Variants in IGSF3 observed in about 807,000 individuals in gnomAD.
IGSF3 encodes immunoglobulin superfamily member 3.
A neutral mutation model predicts 114.4 loss-of-function variants in IGSF3; 23 were observed. The observed-to-expected ratio is 0.20, with a 90% confidence interval of 0.14 to 0.28. IGSF3 has a LOEUF of 0.28. Ranked by LOEUF, IGSF3 falls within the 10% of genes least tolerant of loss-of-function variation. IGSF3 has a pLI of 1.00. For missense variants in IGSF3, 1,172 were observed against 1,591.5 expected (o/e 0.74, Z 4.48); for synonymous variants, 571 against 645.2 (o/e 0.88, Z 1.74).
At chr1:116,652,500 T>C (rs1648674306) in intron 2 of IGSF3, among the ~76,000 whole-genome samples, 1 of 152,202 alleles carries the variant, frequency 6.6e-6, no homozygotes, top group Admixed American at 6.5e-5. Context: ...AGAGAAAGTA[T>C]CAAAAGCTTC....
Position 116,589,682 on chromosome 1 carries a change from G to A in IGSF3, c.2030-578C>T, listed in dbSNP as rs1468898204. On this transcript the variant is annotated intron_variant, in intron 7 of 10. Transcript: ENST00000369486. The surrounding 1 kb of genome is among the most constrained non-coding windows in gnomAD (Gnocchi z 5.7). ...TTATCCCTCATTCCCGTCCCCCTGG[G>A]CTCCATACCCTTCCTCAGCACCCTC... 6.6e-6 allele frequency among the ~76,000 whole-genome samples: 1 copy of A among 151,980 alleles called. No homozygotes were observed. Among genetic ancestry groups the A allele is most frequent in the Non-Finnish European group, 1.5e-5 (1 of 67,976 alleles).
At chr1:116,591,502 T>C (rs1465091215) in intron 7 of IGSF3, among the ~76,000 whole-genome samples, 1 of 152,258 alleles carries the variant, frequency 6.6e-6, no homozygotes, top group Non-Finnish European at 1.5e-5. Flanking sequence ...TTCAGTCACA[T>C]GGTCTGAGAA....
Position 116,608,336 on chromosome 1 carries a change from G to A in IGSF3, c.833-5C>T, listed in dbSNP as rs750637373. ...GCCGAACAGTGAATTCTTTGTCTGA[G>A]AGAACAAGTAAGAAAAGAGACACAT... On this transcript the variant is annotated splice_polypyrimidine_tract_variant and splice_region_variant and intron_variant, in intron 4 of 10. Coordinates refer to ENST00000369486, the MANE Select transcript of IGSF3 (RefSeq NM_001007237.3). 1.9e-6 allele frequency: 3 copies of A among 1,610,624 alleles called. No individual in the cohort carries two copies. Among genetic ancestry groups the A allele is most frequent in the Non-Finnish European group, 2.5e-6 (3 of 1,177,616 alleles).
At chr1:116,581,771 G>A (rs1379390014) in intron 9 of IGSF3, among the ~76,000 whole-genome samples, 1 of 152,066 alleles carries the variant, frequency 6.6e-6, no homozygotes, top group Non-Finnish European at 1.5e-5. Flanking sequence ...GGCCGGGTGG[G>A]GACTATTCAA....
chr1:116,584,613 G>T lies in IGSF3; in HGVS notation c.2848+32C>A. 6.2e-7 allele frequency: 1 copy of T among 1,608,516 alleles called. No homozygotes were observed. The highest frequency in any genetic ancestry group is 1.3e-5 in the African/African-American group (1 of 74,972). ...GTATACTTAAATGGGAAACACCAGAGGGAGTGGAAGCTTGGGGACGTGGAC... is the reference window on the plus strand; with the variant it reads ...GTATACTTAAATGGGAAACACCAGATGGAGTGGAAGCTTGGGGACGTGGAC... On this transcript the variant is annotated intron_variant, in intron 9 of 10. Coordinates refer to ENST00000369486, the MANE Select transcript of IGSF3 (RefSeq NM_001007237.3). The surrounding 1 kb of genome is among the most constrained non-coding windows in gnomAD (Gnocchi z 5.8).
rs1357755574 is a variant in IGSF3 at position 116,575,671 on chromosome 1, T to C, written c.*1641A>G. 1 of 151,930 alleles carries C rather than the reference T, an allele frequency of 6.6e-6. No individual in the cohort carries two copies. The highest frequency in any genetic ancestry group is 1.5e-5 in the Non-Finnish European group (1 of 68,000). The allele number at this position is 151,930 out of a possible 1,614,324, so 9.4% of individuals were successfully genotyped here. On this transcript the variant is annotated 3_prime_UTR_variant, in exon 11 of 11. Transcript: ENST00000369486. The surrounding 1 kb of genome is among the most constrained non-coding windows in gnomAD (Gnocchi z 5.6). Reference sequence around the variant, plus strand: ...GGATTCAGGATGTAAGTTCCCAGAGTAAAGGAGATGGCATGCTTGGCCAGA... The same window carrying C: ...GGATTCAGGATGTAAGTTCCCAGAGCAAAGGAGATGGCATGCTTGGCCAGA...
rs1649242303 is a variant in IGSF3 at position 116,664,401 on chromosome 1, C to T, written c.43+1883G>A. Among the ~76,000 whole-genome samples the T allele has an allele frequency of 6.6e-6, 1 of 152,216 alleles. No individual in the cohort carries two copies. Among genetic ancestry groups the T allele is most frequent in the South Asian group, 2.1e-4 (1 of 4,832 alleles). Reference sequence around the variant, plus strand: ...GGGACCAGCATGCAGCCTTACATTACTTGAGCAGCCAGAAGAAACAAAAGG... The same window carrying T: ...GGGACCAGCATGCAGCCTTACATTATTTGAGCAGCCAGAAGAAACAAAAGG... On this transcript the variant is annotated intron_variant, in intron 2 of 10. Transcript: ENST00000369486. This position sits in a 1 kb window ranked among gnomAD's most constrained non-coding sequence, Gnocchi z 4.6.
rs973172964 is a variant in IGSF3 at position 116,654,961 on chromosome 1, G to T, written c.43+11323C>A. Among the ~76,000 whole-genome samples, 5 of 152,076 alleles carry T rather than the reference G, an allele frequency of 3.3e-5. No individual in the cohort carries two copies. The highest frequency in any genetic ancestry group is 1.2e-4 in the African/African-American group (5 of 41,394). On this transcript the variant is annotated intron_variant, in intron 2 of 10. Coordinates refer to ENST00000369486, the MANE Select transcript of IGSF3 (RefSeq NM_001007237.3). The surrounding 1 kb of genome is among the most constrained non-coding windows in gnomAD (Gnocchi z 4.4). ...CTCTTCCTGGTGGCACCGGGCATTG[G>T]TAACTCATGGCTGTAAAGGAGAGCT...
Position 116,632,985 on chromosome 1 carries a change from T to C in IGSF3, c.44-16528A>G, listed in dbSNP as rs542385575. On this transcript the variant is annotated intron_variant, in intron 2 of 10. Coordinates refer to ENST00000369486, the MANE Select transcript of IGSF3 (RefSeq NM_001007237.3). This position sits in a 1 kb window ranked among gnomAD's most constrained non-coding sequence, Gnocchi z 5.1. ...CACTGCAGCTATCCTGCCAGGCTCA[T>C]TGTAAAGTGACGAATTTTGTGGACA... is the stretch of plus-strand genomic sequence containing the variant. 6.6e-6 allele frequency among the ~76,000 whole-genome samples: 1 copy of C among 152,234 alleles called. No homozygotes were observed. The highest frequency in any genetic ancestry group is 2.4e-5 in the African/African-American group (1 of 41,466).
rs759266559 is a variant in IGSF3, at chr1:116,588,979, C to T, written c.2155G>A (p.Val719Ile). 1.9e-5 allele frequency: 30 copies of T among 1,614,106 alleles called. No individual in the cohort carries two copies. Among genetic ancestry groups the T allele is most frequent in the Non-Finnish European group, 2.5e-5 (30 of 1,180,048 alleles). The change falls in exon 8 of 11, where the codon GTC (valine) becomes ATC (isoleucine). Residue 719 changes from valine to isoleucine, a missense_variant. Val to Ile is a conservative substitution (Grantham distance 29, BLOSUM62 3). This residue lies in a region of IGSF3 where 736 missense variants were observed against 1,042.0 expected (regional missense o/e 0.71). Coordinates refer to ENST00000369486, the MANE Select transcript of IGSF3 (RefSeq NM_001007237.3). The surrounding 1 kb of genome is among the most constrained non-coding windows in gnomAD (Gnocchi z 4.9). The part of the protein sequence containing the change: ...QNSHFAVLWY[V>I]HKPSDADGKL... ...CCATCGGCATCCGAGGGCTTGTGGA[C>T]ATACCAGAGCACCGCAAAGTGGGAG...
intron 4 of IGSF3, among the ~76,000 whole-genome samples, chr1:116,611,893 T>C (rs1191621469): frequency 1.3e-5 from 2 of 152,102 alleles, no homozygotes; most frequent in Non-Finnish European, 2.9e-5. Flanking sequence ...AAGCCCTTAA[T>C]GCCTATCACC....
rs935495968 is a variant in IGSF3 at position 116,655,548 on chromosome 1, G to A, written c.43+10736C>T. ...CAATAACTGTTGCTGCAGGGGTTGA[G>A]AAAAAAAAGTTCTCTTCCTTTGGGT... is the stretch of plus-strand genomic sequence containing the variant. On this transcript the variant is annotated intron_variant, in intron 2 of 10. Transcript: ENST00000369486. This position sits in a 1 kb window ranked among gnomAD's most constrained non-coding sequence, Gnocchi z 4.3. 6.6e-6 allele frequency among the ~76,000 whole-genome samples: 1 copy of A among 151,958 alleles called. No homozygotes were observed. Among genetic ancestry groups the A allele is most frequent in the Non-Finnish European group, 1.5e-5 (1 of 67,978 alleles).
chr1:116,579,647 GGTCGTC>G lies in IGSF3; in HGVS notation c.3073_3078del (p.Asp1025_Asp1026del), dbSNP rs531457319. ...CTCAGCAGGGCCGTCCGCTCTGTTGGGTCGTCGTCGTCGTCGTCGTCCTCCTCCTCC... is the reference window on the plus strand; with the variant it reads ...CTCAGCAGGGCCGTCCGCTCTGTTGGGTCGTCGTCGTCGTCCTCCTCCTCC... On this transcript the variant is annotated inframe_deletion, in exon 10 of 11. Transcript: ENST00000369486. This position sits in a 1 kb window ranked among gnomAD's most constrained non-coding sequence, Gnocchi z 6.4. 1,422 of 1,595,822 alleles carry G rather than the reference GGTCGTC, an allele frequency of 8.9e-4. 3 individuals are homozygous for G. In the African/African-American group the frequency reaches 0.011, roughly 12 times the overall value.
rs1257900947 is a variant in IGSF3, at chr1:116,579,622, C to T, written c.3104G>A (p.Ser1035Asn). 6.2e-7 allele frequency: 1 copy of T among 1,613,946 alleles called. No individual in the cohort carries two copies. The highest frequency in any genetic ancestry group is 8.5e-7 in the Non-Finnish European group (1 of 1,180,006). The change falls in exon 10 of 11, where the codon AGC becomes AAC. Residue 1035 changes from serine (S) to asparagine (N), a missense_variant. Ser to Asn is a conservative substitution (Grantham distance 46, BLOSUM62 1). Transcript: ENST00000369486. This position sits in a 1 kb window ranked among gnomAD's most constrained non-coding sequence, Gnocchi z 6.4. ...GCCAAAGACAGCATCTGGGCCCACG[C>T]TCAGCAGGGCCGTCCGCTCTGTTGG... is the stretch of plus-strand genomic sequence containing the variant. Reference protein sequence around the residue: ...DDPTERTALLSVGPDAVFGPE... With the variant: ...DDPTERTALLNVGPDAVFGPE...
In IGSF3 at chr1:116,664,096, C is replaced by A. The variant is rs955839109; in HGVS notation, c.43+2188G>T. On this transcript the variant is annotated intron_variant, in intron 2 of 10. Coordinates refer to ENST00000369486, the MANE Select transcript of IGSF3 (RefSeq NM_001007237.3). This position sits in a 1 kb window ranked among gnomAD's most constrained non-coding sequence, Gnocchi z 4.6. The stretch of plus-strand genomic sequence containing the variant: ...AAGTAGTAGCCAGGCCTCCTTCCTG[C>A]CATACTGAGAGCCATCAGGTGAAGA... 2.0e-5 allele frequency among the ~76,000 whole-genome samples: 3 copies of A among 152,216 alleles called. No individual in the cohort carries two copies. The highest frequency in any genetic ancestry group is 4.4e-5 in the Non-Finnish European group (3 of 68,040).
In IGSF3 at chr1:116,603,212, C is replaced by T. The variant is rs1341321056; in HGVS notation, c.1624+412G>A. Among the ~76,000 whole-genome samples, 2 of 152,374 alleles carry T rather than the reference C, an allele frequency of 1.3e-5. No individual in the cohort carries two copies. Among genetic ancestry groups the T allele is most frequent in the East Asian group, 3.9e-4 (2 of 5,192 alleles). On this transcript the variant is annotated intron_variant, in intron 6 of 10. Transcript: ENST00000369486. The surrounding 1 kb of genome is among the most constrained non-coding windows in gnomAD (Gnocchi z 7.1). ...CCCCTGGGCAGCAGGGCAGGAAAGA[C>T]ATGCCACACAGTGCTCAGCCACTCT...
Position 116,616,210 on chromosome 1 carries a change from T to C in IGSF3, c.291A>G (p.Arg97=). ...RVRGGKIFIE[R]VQGNSTLLHI... ...GCAATAGGGTTGAGTTCCCCTGGACTCTTTCTATGAAGATCTTCCCTCCGC... is the reference window on the plus strand; with the variant it reads ...GCAATAGGGTTGAGTTCCCCTGGACCCTTTCTATGAAGATCTTCCCTCCGC... The change falls in exon 3 of 11, where the codon AGA becomes AGG. Residue 97 remains arginine, a synonymous_variant. Coordinates refer to ENST00000369486, the MANE Select transcript of IGSF3 (RefSeq NM_001007237.3). The surrounding 1 kb of genome is among the most constrained non-coding windows in gnomAD (Gnocchi z 6.6). 6.2e-7 allele frequency: 1 copy of C among 1,613,974 alleles called. No homozygotes were observed. Among genetic ancestry groups the C allele is most frequent in the Non-Finnish European group, 8.5e-7 (1 of 1,179,862 alleles).
Position 116,665,528 on chromosome 1 carries a change from G to A in IGSF3, c.43+756C>T, listed in dbSNP as rs185611947. Among the ~76,000 whole-genome samples, 13 of 152,274 alleles carry A rather than the reference G, an allele frequency of 8.5e-5. No homozygotes were observed. In the East Asian group the frequency reaches 2.5e-3, roughly 29 times the overall value. On this transcript the variant is annotated intron_variant, in intron 2 of 10. Transcript: ENST00000369486. This position sits in a 1 kb window ranked among gnomAD's most constrained non-coding sequence, Gnocchi z 4.0. ...AAGAATAGGCAATTGTTGAGCAGAG[G>A]GGCCTCTTCACTGGGGTGAAGGTCC... is the stretch of plus-strand genomic sequence containing the variant.
chr1:116,585,691 G>A lies in IGSF3; in HGVS notation c.2441-639C>T, dbSNP rs544153845. On this transcript the variant is annotated intron_variant, in intron 8 of 10. Transcript: ENST00000369486. This position sits in a 1 kb window ranked among gnomAD's most constrained non-coding sequence, Gnocchi z 4.9. ...AATCCCAGCACTTTGGGACGCCGAG[G>A]TGGGTGGATCGCTTGAGGCCAGGAG... Among the ~76,000 whole-genome samples the A allele has an allele frequency of 3.3e-4, 50 of 152,296 alleles. No individual in the cohort carries two copies. Among genetic ancestry groups the A allele is most frequent in the African/African-American group, 1.2e-3 (49 of 41,564 alleles).
Sources: gnomAD v4.1 joint callset for allele counts (sites outside exome capture counted in the v4.1 genomes callset) on GRCh38, gnomAD v4.1.1 for gene constraint, gnomAD v4.1.1 regional missense constraint, Gnocchi (gnomAD v3.1) non-coding constraint, MANE v1.5 for transcripts, NCBI Gene and HGNC (gene_info 2026-07-23, HGNC 2026-07-21) for gene names.